RGSL1: variants seen among roughly 807,000 people sequenced by gnomAD.
RGSL1 encodes regulator of G protein signaling like 1.
A neutral mutation model predicts 124.7 loss-of-function variants in RGSL1; 97 were observed. That is an observed-to-expected ratio of 0.78 (90% CI 0.66 to 0.92). The LOEUF (loss-of-function observed/expected upper bound fraction) is 0.92, where lower values mean the gene tolerates loss of function less well. Among genes scored for constraint, RGSL1 ranks in the 40% least tolerant of loss-of-function variants. The pLI, the probability that RGSL1 is intolerant of heterozygous loss-of-function variation, is 0.00. For synonymous variants in RGSL1, 424 were observed against 438.1 expected (o/e 0.97, Z 0.40); for missense variants, 1,233 against 1,288.4 (o/e 0.96, Z 0.66).
At chr1:182,485,677 C>T (rs1655044791) in intron 6 of RGSL1, among the ~76,000 whole-genome samples, 1 of 152,130 alleles carries the variant, frequency 6.6e-6, no homozygotes, top group East Asian at 1.9e-4. Flanking sequence ...TATTTACTGA[C>T]AAGTGCAGAG....
intron 4 of RGSL1, among the ~76,000 whole-genome samples, chr1:182,470,496 CG>C (rs556317559): frequency 1.1e-3 from 161 of 152,240 alleles, no homozygotes; most frequent in Admixed American, 7.1e-3. Flanking sequence ...ATGCTCTTTC[CG>C]TAGATACTCA....
intron 4 of RGSL1, among the ~76,000 whole-genome samples, chr1:182,467,049 CA>C (rs1653395154): frequency 6.6e-6 from 1 of 152,040 alleles, no homozygotes; most frequent in African/African-American, 2.4e-5. Context: ...CCTAGGAATC[CA>C]ACTTACAATG....
chr1:182,509,484 C>T (rs1399982491), intron 9 of RGSL1, among the ~76,000 whole-genome samples: 5 of 71,466 alleles, frequency 7.0e-5, no homozygotes, highest in East Asian at 3.2e-4. Flanking sequence ...GCTGGCCAGG[C>T]GGGGGGCTGA....
chr1:182,473,737 A>C lies in RGSL1; in HGVS notation c.626A>C (p.His209Pro). Residue 209 changes from histidine (H) to proline (P), a missense_variant, in exon 6 of 22, where the codon CAT (histidine) becomes CCT (proline). Transcript: ENST00000294854. ...ACCATGGCCAAGGAGGAAGCATGCC[A>C]TGGTCTGATGCAAGAGTACGAGACT... is the stretch of plus-strand genomic sequence containing the variant. ...KMTMAKEEACHGLMQEYETRL... is the reference protein window; with the variant it reads ...KMTMAKEEACPGLMQEYETRL... The C allele has an allele frequency of 6.4e-7, 1 of 1,551,770 alleles. No homozygotes were observed. Among genetic ancestry groups the C allele is most frequent in the Non-Finnish European group, 8.7e-7 (1 of 1,146,996 alleles).
chr1:182,524,369 T>G (rs1658583137), intron 10 of RGSL1, among the ~76,000 whole-genome samples: 1 of 151,958 alleles, frequency 6.6e-6, no homozygotes, highest in South Asian at 2.1e-4. Context: ...TTCAGGCAAA[T>G]GATAAAGATC....
At chr1:182,536,403 G>A (rs1368583798) in intron 14 of RGSL1, among the ~76,000 whole-genome samples, 1 of 152,128 alleles carries the variant, frequency 6.6e-6, no homozygotes, top group Non-Finnish European at 1.5e-5. Flanking sequence ...TACCATTTTT[G>A]CATTTTCACC....
intron 21 of RGSL1, among the ~76,000 whole-genome samples, chr1:182,556,976 A>G (rs1407391836): frequency 6.6e-6 from 1 of 152,218 alleles, no homozygotes; most frequent in Non-Finnish European, 1.5e-5. Context: ...ATTTCTGGCC[A>G]AAGCTTCCTG....
At position 182,474,395 on chromosome 1, in the gene RGSL1, G is replaced by C; in HGVS notation, c.1284G>C (p.Leu428=). 6.4e-7 allele frequency: 1 copy of C among 1,552,010 alleles called. No homozygotes were observed. Among genetic ancestry groups the C allele is most frequent in the African/African-American group, 1.4e-5 (1 of 73,158 alleles). ...GGAATGCAATCTTTCGTCACTTGCT[G>C]GGTGACAGAATCTGCGAGCTCTACC... ...KNGNAIFRHL[L]GDRICELYLN... Residue 428 remains leucine (L), a synonymous_variant, in exon 6 of 22, where the codon CTG becomes CTC. Transcript: ENST00000294854.
At chr1:182,527,324 G>A (rs1658821764) in intron 10 of RGSL1, among the ~76,000 whole-genome samples, 1 of 151,364 alleles carries the variant, frequency 6.6e-6, no homozygotes, top group Admixed American at 6.6e-5. Context: ...TGAAAAAATT[G>A]TCCTCATTAA....
intron 2 of RGSL1, among the ~76,000 whole-genome samples, chr1:182,456,589 C>T (rs932001122): frequency 6.6e-6 from 1 of 152,150 alleles, no homozygotes; most frequent in Non-Finnish European, 1.5e-5. Context: ...TAAGCCTCCA[C>T]GCCTGGCCGA....
At chr1:182,499,881 T>A (rs923644277) in intron 9 of RGSL1, among the ~76,000 whole-genome samples, 3 of 152,186 alleles carry the variant, frequency 2.0e-5, no homozygotes, top group South Asian at 2.1e-4. Context: ...CAAATTCTCT[T>A]AGCATTTGCT....
At position 182,530,800 on chromosome 1, in the gene RGSL1, T is replaced by C. The variant is rs1203098677; in HGVS notation, c.2254T>C (p.Tyr752His). ...KSIEEKWFKD[Y>H]QDLFPPHHQE... ...ATGTCCTTCTGACAGGTTTAAAGAT[T>C]ATCAAGACCTGTTCCCACCTCACCA... Residue 752 changes from tyrosine to histidine, a missense_variant, in exon 13 of 22, where the codon TAT becomes CAT. Physicochemically the swap from Tyr to His is moderately conservative, Grantham distance 83. Coordinates refer to ENST00000294854, the MANE Select transcript of RGSL1 (RefSeq NM_001137669.2). The C allele has an allele frequency of 2.0e-6, 3 of 1,538,278 alleles. No individual in the cohort carries two copies. The highest frequency in any genetic ancestry group is 2.6e-6 in the Non-Finnish European group (3 of 1,143,046).
At chr1:182,469,532 T>C (rs962201358) in intron 4 of RGSL1, among the ~76,000 whole-genome samples, 1 of 152,152 alleles carries the variant, frequency 6.6e-6, no homozygotes. Flanking sequence ...TGTGGAGAAA[T>C]TGGAACTCTT....
intron 6 of RGSL1, among the ~76,000 whole-genome samples, chr1:182,483,839 G>A (rs1654891355): frequency 6.6e-6 from 1 of 152,062 alleles, no homozygotes; most frequent in East Asian, 1.9e-4. Context: ...AGGAGCTCAA[G>A]CCCCGGGGTT....
chr1:182,556,824 G>GA (rs907251798), intron 21 of RGSL1, among the ~76,000 whole-genome samples: 22 of 149,032 alleles, frequency 1.5e-4, no homozygotes, highest in African/African-American at 3.2e-4. Flanking sequence ...TCTCCTTTGA[G>GA]AAAAAAAAAA....
At chr1:182,479,023 A>T (rs193188718) in intron 6 of RGSL1, among the ~76,000 whole-genome samples, 105 of 152,192 alleles carry the variant, frequency 6.9e-4, no homozygotes, top group Admixed American at 2.6e-3. Flanking sequence ...AGAAGTGTTT[A>T]AAAAAAATCT....
rs1292024936 is a variant in RGSL1 at position 182,532,723 on chromosome 1, T to C, written c.2426T>C (p.Met809Thr). 1 of 1,551,104 alleles carries C rather than the reference T, an allele frequency of 6.4e-7. No homozygotes were observed. Among genetic ancestry groups the C allele is most frequent in the East Asian group, 2.4e-5 (1 of 40,908 alleles). ...AGTTTTTGCAAGTACCGCAGATTTA[T>C]GTTGAATCCTAGTAAGCGCCAGGAA... ...IRSFCKYRRF[M>T]LNPSKRQEFE... The change falls in exon 14 of 22, where the codon ATG becomes ACG. Residue 809 changes from methionine (M) to threonine (T), a missense_variant. By Grantham distance (81) the Met-to-Thr change is moderately conservative. Coordinates refer to ENST00000294854, the MANE Select transcript of RGSL1 (RefSeq NM_001137669.2).
At chr1:182,535,420 A>G (rs1240784297) in intron 14 of RGSL1, among the ~76,000 whole-genome samples, 1 of 152,176 alleles carries the variant, frequency 6.6e-6, no homozygotes, top group Non-Finnish European at 1.5e-5. Flanking sequence ...GAGGAGTTTT[A>G]CAGCTTCCCT....
intron 15 of RGSL1, among the ~76,000 whole-genome samples, chr1:182,546,828 G>A (rs1351744189): frequency 1.3e-5 from 2 of 152,112 alleles, no homozygotes; most frequent in Non-Finnish European, 2.9e-5. Context: ...AGCAATTATA[G>A]TTACTAATTA....
Sources: allele counts gnomAD v4.1 joint callset (sites outside exome capture counted in the v4.1 genomes callset), GRCh38; gene constraint gnomAD v4.1.1; transcripts MANE v1.5; gene names NCBI Gene and HGNC (gene_info 2026-07-23, HGNC 2026-07-21).